The following IRAK1BP1 variants were observed in gnomAD, a reference collection of about 807,000 sequenced individuals.
The protein encoded by IRAK1BP1 is interleukin 1 receptor associated kinase 1 binding protein 1, also known as interleukin-1 receptor-associated kinase 1-binding protein 1.
Under a neutral mutation model 28.0 loss-of-function variants are expected in IRAK1BP1, and 24 were observed. That is an observed-to-expected ratio of 0.86 (90% CI 0.62 to 1.20). The LOEUF (loss-of-function observed/expected upper bound fraction) is 1.20. IRAK1BP1 is among the 50% of genes most tolerant of loss of function. The pLI is 0.00. For synonymous variants in IRAK1BP1, 131 were observed against 116.3 expected, an observed-to-expected ratio of 1.13 and a Z score of -0.81; for missense variants, 336 against 316.7, an observed-to-expected ratio of 1.06 and a Z score of -0.46.
chr6:78,902,953 C>T lies in IRAK1BP1; in HGVS notation c.*4619C>T, dbSNP rs1321837963. On this transcript the variant is annotated 3_prime_UTR_variant, in exon 4 of 4. Coordinates refer to ENST00000369940, the MANE Select transcript of IRAK1BP1 (RefSeq NM_001010844.4). ...TTTCTACTATTAAAACAATAAAACT[C>T]TTATAAACCTGTTTATCAGAAGGAT... 6 of 1,061,252 alleles carry T rather than the reference C, an allele frequency of 5.7e-6. No individual in the cohort carries two copies. Among genetic ancestry groups the T allele is most frequent in the Non-Finnish European group, 8.3e-6 (6 of 721,104 alleles). 65.7% of individuals were successfully genotyped at this position (1,061,252 alleles called of 1,614,324 possible).
intron 1 of IRAK1BP1, among the ~76,000 whole-genome samples, chr6:78,883,950 C>T (rs1358438268): frequency 6.6e-6 from 1 of 152,030 alleles, no homozygotes; most frequent in Non-Finnish European, 1.5e-5. Context: ...TGGATACTAT[C>T]TATGGTTTCA....
At chr6:78,917,614 G>A (rs1772594628) in intron 4 of IRAK1BP1, among the ~76,000 whole-genome samples, 1 of 112,056 alleles carries the variant, frequency 8.9e-6, no homozygotes, top group Admixed American at 1.2e-4. Context: ...ATAGTCACCA[G>A]ACTGTCAAAG....
At chr6:78,890,198 A>G (rs1582012179) in intron 2 of IRAK1BP1, among the ~76,000 whole-genome samples, 2 of 151,578 alleles carry the variant, frequency 1.3e-5, no homozygotes, top group South Asian at 4.2e-4. Flanking sequence ...CATGTTCTCA[A>G]TCATAAGTGG....
At chr6:78,916,037 A>G (rs1223080275) in intron 4 of IRAK1BP1, among the ~76,000 whole-genome samples, 1 of 152,186 alleles carries the variant, frequency 6.6e-6, no homozygotes, top group African/African-American at 2.4e-5. Context: ...ATCACACTCC[A>G]CAGGGTGTGA....
downstream of IRAK1BP1, among the ~76,000 whole-genome samples, chr6:78,949,683 T>C (rs975172187): frequency 9.2e-5 from 14 of 151,946 alleles, no homozygotes; most frequent in Admixed American, 8.5e-4. Flanking sequence ...GGACTCTTTT[T>C]TACTTTTTTT....
intron 1 of IRAK1BP1, chr6:78,871,606 A>C (rs1770793741): frequency 1.2e-6 from 1 of 866,650 alleles, no homozygotes; most frequent in Non-Finnish European, 1.4e-6. Flanking sequence ...CCTAATCCCA[A>C]GTATGATGGT....
At chr6:78,976,056 C>T in the IRAK1BP1 span, among the ~76,000 whole-genome samples, 28 of 151,950 alleles carry the variant, frequency 1.8e-4, no homozygotes, top group Non-Finnish European at 3.8e-4. Context: ...AAAAAGGGCC[C>T]GCATTGCCAA....
At chr6:78,943,991 A>T (rs534080465) in intron 4 of IRAK1BP1, among the ~76,000 whole-genome samples, 21 of 79,390 alleles carry the variant, frequency 2.6e-4, no homozygotes, top group African/African-American at 7.6e-4. Context: ...GTCTTTTTTT[A>T]AAAAAAAAAA....
chr6:78,954,247 A>AC, the IRAK1BP1 span, among the ~76,000 whole-genome samples: 17 of 146,648 alleles, frequency 1.2e-4, no homozygotes, highest in Non-Finnish European at 2.1e-4. Context: ...GACTACAGGC[A>AC]CCCGCCCACA....
chr6:78,961,015 T>C, the IRAK1BP1 span, among the ~76,000 whole-genome samples: 3 of 152,150 alleles, frequency 2.0e-5, no homozygotes, highest in South Asian at 2.1e-4. Context: ...ATGATAAAAA[T>C]TAAAACTAAA....
rs1165607008 is a variant in IRAK1BP1 at position 78,901,935 on chromosome 6, A to T, written c.*3601A>T. On this transcript the variant is annotated 3_prime_UTR_variant, in exon 4 of 4. Coordinates refer to ENST00000369940, the MANE Select transcript of IRAK1BP1 (RefSeq NM_001010844.4). ...TATCTCAACTCTGTCAGATTTGTTG[A>T]TAAGAATTTAATAGTAAGGAGTTCT... 6.6e-6 allele frequency: 1 copy of T among 152,296 alleles called. No homozygotes were observed. The highest frequency in any genetic ancestry group is 3.4e-3 in the Middle Eastern group (1 of 294). The allele number at this position is 152,296 out of a possible 1,614,324, so 9.4% of individuals were successfully genotyped here. A position where few individuals can be genotyped will look rare whatever the true frequency, so the allele number is the denominator to read the frequency against.
chr6:78,953,318 A>C, the IRAK1BP1 span, among the ~76,000 whole-genome samples: 6 of 152,132 alleles, frequency 3.9e-5, no homozygotes, highest in Non-Finnish European at 8.8e-5. Context: ...CTGCCCAAGG[A>C]CTCAATTATC....
chr6:78,870,166 C>T (rs1420475967), intron 1 of IRAK1BP1, among the ~76,000 whole-genome samples: 1 of 138,212 alleles, frequency 7.2e-6, no homozygotes, highest in Non-Finnish European at 1.5e-5. Context: ...TCCTCATCTC[C>T]TATCATATCT....
downstream of IRAK1BP1, among the ~76,000 whole-genome samples, chr6:78,950,621 G>C: frequency 6.6e-6 from 1 of 152,048 alleles, no homozygotes; most frequent in East Asian, 1.9e-4. Context: ...TATATATGTA[G>C]AATTCTTTGT....
At chr6:78,891,794 GTATT>G (rs1255474877) in intron 2 of IRAK1BP1, among the ~76,000 whole-genome samples, 1 of 152,030 alleles carries the variant, frequency 6.6e-6, no homozygotes, top group African/African-American at 2.4e-5. Flanking sequence ...GGTATAATAG[GTATT>G]CAATACTGTG....
intron 4 of IRAK1BP1, among the ~76,000 whole-genome samples, chr6:78,933,834 C>T (rs1426489951): frequency 6.6e-6 from 1 of 152,064 alleles, no homozygotes; most frequent in Non-Finnish European, 1.5e-5. Context: ...CATAAGGTTG[C>T]TTGCTTTCTT....
downstream of IRAK1BP1, chr6:78,903,246 G>A: frequency 2.0e-6 from 1 of 493,590 alleles, no homozygotes; most frequent in Non-Finnish European, 3.6e-6. Context: ...ACTTCGGGAG[G>A]CCGAGGCAGG....
At chr6:78,890,435 AAGAG>A (rs1771606790) in intron 2 of IRAK1BP1, among the ~76,000 whole-genome samples, 4 of 152,082 alleles carry the variant, frequency 2.6e-5, no homozygotes, top group Non-Finnish European at 5.9e-5. Context: ...AAAGTCCAAA[AAGAG>A]AGCACAGAGT....
intron 1 of IRAK1BP1, among the ~76,000 whole-genome samples, chr6:78,873,313 A>C (rs1002698074): frequency 2.6e-5 from 4 of 151,556 alleles, no homozygotes; most frequent in African/African-American, 9.7e-5. Context: ...TATTGCAAAA[A>C]ATTTTCTCAG....
Sources: allele counts gnomAD v4.1 joint callset (sites outside exome capture counted in the v4.1 genomes callset), GRCh38; gene constraint gnomAD v4.1.1; transcripts MANE v1.5; gene names NCBI Gene and HGNC (gene_info 2026-07-23, HGNC 2026-07-21).